The following CORO1C variants were observed in gnomAD, a reference collection of about 807,000 sequenced individuals.
The protein encoded by CORO1C is coronin-1C.
A neutral mutation model predicts 51.2 loss-of-function variants in CORO1C; 14 were observed. The observed-to-expected ratio is 0.27, with a 90% confidence interval of 0.18 to 0.43. The LOEUF is 0.43. CORO1C is among the 20% of genes least tolerant of loss of function. CORO1C has a pLI of 1.00. For synonymous variants in CORO1C, 181 were observed against 210.5 expected (o/e 0.86, Z 1.21); for missense variants, 417 against 607.8 (o/e 0.69, Z 3.30).
rs377135365 is a variant in CORO1C, at chr12:108,658,709, T to C, written c.630+29A>G. ...CTCACACTCACTCAAGTGCTCCAAC[T>C]ACTGAGTTTTCATCCTAGGAATACT... On this transcript the variant is annotated intron_variant, in intron 5 of 10. Coordinates refer to ENST00000261401, the MANE Select transcript of CORO1C (RefSeq NM_014325.4). The surrounding 1 kb of genome is among the most constrained non-coding windows in gnomAD (Gnocchi z 4.9). 1.9e-5 allele frequency: 30 copies of C among 1,596,530 alleles called. No homozygotes were observed. The East Asian group carries it at 2.0e-4, about 11-fold the overall frequency.
At chr12:108,659,561 T>G (rs912537585) in intron 4 of CORO1C, among the ~76,000 whole-genome samples, 55 of 152,354 alleles carry the variant, frequency 3.6e-4, no homozygotes, top group African/African-American at 1.3e-3. Context: ...CATACAGAGA[T>G]GGGTTCATAC....
intron 3 of CORO1C, among the ~76,000 whole-genome samples, chr12:108,675,208 C>A (rs1843165981): frequency 6.6e-6 from 1 of 152,128 alleles, no homozygotes; most frequent in South Asian, 2.1e-4. Flanking sequence ...AATGCTACTG[C>A]ATACTTAATA....
At chr12:108,715,707 G>A (rs2035314371) in intron 1 of CORO1C, among the ~76,000 whole-genome samples, 1 of 104,668 alleles carries the variant, frequency 9.6e-6, no homozygotes, top group Non-Finnish European at 1.8e-5. Flanking sequence ...CAGGAGACCA[G>A]ACTCAGAAGC....
rs199738350 is a variant in CORO1C, at chr12:108,658,723, C to T, written c.630+15G>A. The T allele has an allele frequency of 1.2e-3, 1,947 of 1,601,846 alleles. No individual in the cohort carries two copies. The highest frequency in any genetic ancestry group is 1.6e-3 in the Non-Finnish European group (1,860 of 1,169,528). On this transcript the variant is annotated intron_variant, in intron 5 of 10. Coordinates refer to ENST00000261401, the MANE Select transcript of CORO1C (RefSeq NM_014325.4). This position sits in a 1 kb window ranked among gnomAD's most constrained non-coding sequence, Gnocchi z 4.9. ...AGTGCTCCAACTACTGAGTTTTCAT[C>T]CTAGGAATACTCACAGCAACAATCT...
At chr12:108,648,476 C>A in intron 10 of CORO1C, 129 bp downstream of exon 10, 1 of 1,296,882 alleles carries the variant, frequency 7.7e-7, no homozygotes, top group Non-Finnish European at 1.1e-6. Flanking sequence ...CCTTCTCCCA[C>A]TTTTTCATTT....
At chr12:108,700,174 G>A (rs1006590890) in intron 2 of CORO1C, among the ~76,000 whole-genome samples, 2 of 152,142 alleles carry the variant, frequency 1.3e-5, no homozygotes, top group African/African-American at 4.8e-5. Context: ...TTCCCCCGCT[G>A]TTTTCAGCAG....
intron 6 of CORO1C, among the ~76,000 whole-genome samples, chr12:108,656,382 TG>T (rs1196110124): frequency 5.8e-5 from 8 of 137,536 alleles, no homozygotes; most frequent in African/African-American, 1.7e-4. Flanking sequence ...GGGAGGGAGG[TG>T]GGGGGGCAGC....
chr12:108,694,205 C>G (rs559318071), intron 2 of CORO1C, among the ~76,000 whole-genome samples: 57 of 146,626 alleles, frequency 3.9e-4, no homozygotes, highest in Admixed American at 3.7e-3. Flanking sequence ...GTGCTTGAAC[C>G]TGGGAGGTGG....
chr12:108,662,364 C>T (rs945380880), intron 3 of CORO1C, among the ~76,000 whole-genome samples: 7 of 151,654 alleles, frequency 4.6e-5, no homozygotes, highest in South Asian at 2.1e-4. Context: ...GTTTTTGAGA[C>T]GGAGTCTCAC....
intron 4 of CORO1C, 141 bp from the exon 5 acceptor site, chr12:108,659,060 C>T (rs2033147796): frequency 2.3e-6 from 2 of 887,268 alleles, no homozygotes; most frequent in Admixed American, 6.4e-5. Context: ...AAAGATGCGG[C>T]TGATTGTCAG....
At chr12:108,680,430 C>T (rs527854296) in intron 2 of CORO1C, among the ~76,000 whole-genome samples, 2 of 152,160 alleles carry the variant, frequency 1.3e-5, no homozygotes, top group South Asian at 2.1e-4. Flanking sequence ...CCAATGAACA[C>T]CATATCATAT....
At position 108,645,472 on chromosome 12, in the gene CORO1C, C is replaced by T. The variant is rs1298151962; in HGVS notation, c.*1931G>A. On this transcript the variant is annotated 3_prime_UTR_variant, in exon 11 of 11. Transcript: ENST00000261401. ...CCTTAAAACACTACTGAATCTTAGA[C>T]AAAAGGTCCTCAGCAGATTACATTG... 1.3e-5 allele frequency: 2 copies of T among 152,150 alleles called. No homozygotes were observed. The highest frequency in any genetic ancestry group is 6.5e-5 in the Admixed American group (1 of 15,276). The allele number at this position is 152,150 out of a possible 1,614,324, so 9.4% of individuals were successfully genotyped here.
chr12:108,715,856 G>A (rs1275088284), intron 1 of CORO1C, among the ~76,000 whole-genome samples: 1 of 151,864 alleles, frequency 6.6e-6, no homozygotes, highest in African/African-American at 2.4e-5. Flanking sequence ...CCTTGAGGCC[G>A]GGCGGGGTGG....
intron 1 of CORO1C, among the ~76,000 whole-genome samples, chr12:108,729,685 A>G (rs2035671541): frequency 6.6e-6 from 1 of 152,236 alleles, no homozygotes; most frequent in African/African-American, 2.4e-5. Context: ...ACTGTGAAAC[A>G]TACCTCCAAA....
intron 1 of CORO1C, among the ~76,000 whole-genome samples, chr12:108,720,496 C>T (rs1397858766): frequency 1.3e-5 from 2 of 151,648 alleles, no homozygotes; most frequent in Non-Finnish European, 2.9e-5. Context: ...ATAAAAATTA[C>T]GAAGTTAGTT....
Position 108,647,506 on chromosome 12 carries a change from A to T in CORO1C, c.1322T>A (p.Leu441Ter). 6.2e-7 allele frequency: 1 copy of T among 1,604,430 alleles called. No individual in the cohort carries two copies. Among genetic ancestry groups the T allele is most frequent in the Non-Finnish European group, 8.5e-7 (1 of 1,173,390 alleles). ...DTASVQNEAK[L>*]DEILKEIKSI... ...TTTGATCTCTTTTAAAATCTCATCC[A>T]ACTTGGCTTCATTTTGCTAAGAAAA... Residue 441 changes from leucine to a stop codon, truncating the protein, a stop_gained, in exon 11 of 11, where the codon TTG becomes TAG. Transcript: ENST00000261401. LOFTEE classifies it high-confidence loss of function.
intron 6 of CORO1C, among the ~76,000 whole-genome samples, chr12:108,655,600 T>C (rs945579323): frequency 1.3e-5 from 2 of 152,252 alleles, no homozygotes; most frequent in African/African-American, 4.8e-5. Context: ...GGGGCTGGTC[T>C]CCAGCTCCTG....
chr12:108,669,658 A>C (rs2033636435), intron 3 of CORO1C, among the ~76,000 whole-genome samples: 1 of 125,642 alleles, frequency 8.0e-6, no homozygotes. Context: ...GAGAAACTAC[A>C]CAGAGCTTTT....
intron 8 of CORO1C, chr12:108,649,228 C>T (rs1348720895): frequency 3.3e-6 from 2 of 607,508 alleles, no homozygotes; most frequent in South Asian, 2.0e-5. Flanking sequence ...ATGCTAGGAA[C>T]TGGCAGACTG....
Sources: allele counts gnomAD v4.1 joint callset (sites outside exome capture counted in the v4.1 genomes callset), GRCh38; gene constraint gnomAD v4.1.1; non-coding constraint Gnocchi (gnomAD v3.1); transcripts MANE v1.5; gene names NCBI Gene and HGNC (gene_info 2026-07-23, HGNC 2026-07-21).